AVIL: variants seen among roughly 807,000 people sequenced by gnomAD.
AVIL encodes advillin.
In AVIL, 78 loss-of-function variants were observed where a neutral mutation model predicts 109.9. The ratio of observed to expected loss-of-function variants is 0.71; its 90% CI spans 0.59 to 0.86. AVIL has a LOEUF of 0.86. Ranked by LOEUF, AVIL falls within the 40% of genes least tolerant of loss-of-function variation. AVIL has a pLI of 0.00. For synonymous variants in AVIL, 367 were observed against 379.1 expected (o/e 0.97, Z 0.37); for missense variants, 892 against 1,016.5 (o/e 0.88, Z 1.67).
Position 57,808,568 on chromosome 12 carries a change from C to A in AVIL, c.940-20G>T. On this transcript the variant is annotated intron_variant, in intron 9 of 19. Transcript: ENST00000549994. ...GAAGCCCTGCAGAGCCACCCATTCC[C>A]AAAGGCAGGTCAGTGGTGGAATACA... 6.2e-7 allele frequency: 1 copy of A among 1,612,828 alleles called. No homozygotes were observed. The highest frequency in any genetic ancestry group is 2.2e-5 in the East Asian group (1 of 44,866).
intron 18 of AVIL, 200 bp from the exon 19 acceptor site, chr12:57,800,120 C>G (rs747310519): frequency 4.2e-4 from 274 of 657,574 alleles, no homozygotes; most frequent in Non-Finnish European, 6.4e-4. Flanking sequence ...TGGGGTTGTT[C>G]TTGGGAAAGC....
At position 57,813,485 on chromosome 12, in the gene AVIL, C is replaced by T. The variant is rs573212370; in HGVS notation, c.142-62G>A. On this transcript the variant is annotated intron_variant, in intron 3 of 19. Transcript: ENST00000549994. ...CTCACCTCCCCTTTGCTGCTGGCCC[C>T]TGTTATGGGGAGAATGCAGCACATG... is the stretch of plus-strand genomic sequence containing the variant. The T allele has an allele frequency of 5.3e-6, 8 of 1,515,320 alleles. No homozygotes were observed. The East Asian group carries it at 6.8e-5, about 13-fold the overall frequency. 93.9% of individuals were successfully genotyped at this position (1,515,320 alleles called of 1,614,324 possible). A position where few individuals can be genotyped will look rare whatever the true frequency, so the allele number is the denominator to read the frequency against.
intron 3 of AVIL, 110 bp downstream of exon 3, chr12:57,814,042 G>A: frequency 8.6e-7 from 1 of 1,165,384 alleles, no homozygotes; most frequent in Non-Finnish European, 1.2e-6. Flanking sequence ...AGGAACCATT[G>A]AGACCGATAC....
At position 57,811,077 on chromosome 12, in the gene AVIL, G is replaced by A. The variant is rs1358399501; in HGVS notation, c.389C>T (p.Thr130Ile). Residue 130 changes from threonine (T) to isoleucine (I), a missense_variant, in exon 5 of 20, where the codon ACC becomes ATC. Thr to Ile is a moderately conservative substitution (Grantham distance 89, BLOSUM62 -1). Transcript: ENST00000549994. ...ASGMKHVETN[T>I]YDVKRLLHVK... ...ATGTAGCAGCCGCTTCACGTCGTAG[G>A]TATTGGTCTCCACGTGCTTCATCCC... The A allele has an allele frequency of 1.2e-6, 2 of 1,614,120 alleles. No individual in the cohort carries two copies. Among genetic ancestry groups the A allele is most frequent in the South Asian group, 2.2e-5 (2 of 91,078 alleles).
intron 2 of AVIL, chr12:57,815,725 G>C: frequency 7.1e-7 from 1 of 1,404,008 alleles, no homozygotes; most frequent in Non-Finnish European, 9.3e-7. Flanking sequence ...CAGGTGGCTG[G>C]CTAAAGGACA....
Position 57,810,503 on chromosome 12 carries a change from CA to C in AVIL, c.606del (p.Ala203LeufsTer3), listed in dbSNP as rs1327113783. 3.1e-6 allele frequency: 5 copies of C among 1,613,980 alleles called. No individual in the cohort carries two copies. In the South Asian group the frequency reaches 5.5e-5, roughly 18 times the overall value. On this transcript the variant is annotated frameshift_variant, in exon 7 of 20. Coordinates refer to ENST00000549994, the MANE Select transcript of AVIL (RefSeq NM_006576.4). LOFTEE classifies it high-confidence loss of function. Reference protein sequence around the residue: ...KDIRDRERGGRAKIGVIEGDK... With the variant: ...KDIRDRERGGXAKIGVIEGDK... Reference sequence around the variant, plus strand: ...TCTCCCTCGATCACTCCTATTTTAGCACGGCCCCCTCGCTCCCTGTCTCGAA... The same window carrying C: ...TCTCCCTCGATCACTCCTATTTTAGCCGGCCCCCTCGCTCCCTGTCTCGAA...
intron 3 of AVIL, 53 bp from the exon 4 acceptor site, chr12:57,813,476 T>G: frequency 1.9e-6 from 3 of 1,545,138 alleles, no homozygotes; most frequent in Non-Finnish European, 2.7e-6. Flanking sequence ...TCCCCTTTGC[T>G]GCTGGCCCCT....
chr12:57,803,573 C>CT lies in AVIL; in HGVS notation c.1767_1768insA (p.Glu590ArgfsTer15). On this transcript the variant is annotated frameshift_variant, in exon 15 of 20. Transcript: ENST00000549994. LOFTEE classifies it high-confidence loss of function. The stretch of plus-strand genomic sequence containing the variant: ...TTCCCTCCCAGTAGGTCCCAGAACT[C>CT]GGCTGGCTCCTGGCCCTCGGCCACA... 2 of 1,614,196 alleles carry CT rather than the reference C, an allele frequency of 1.2e-6. No homozygotes were observed. The highest frequency in any genetic ancestry group is 1.7e-6 in the Non-Finnish European group (2 of 1,180,038).
chr12:57,810,627 T>C, intron 6 of AVIL, 76 bp from the exon 7 acceptor site: 2 of 1,539,188 alleles, frequency 1.3e-6, no homozygotes, highest in Non-Finnish European at 1.8e-6. Context: ...GAGAACAGCC[T>C]AGATCCCAGA....
chr12:57,804,604 G>A lies in AVIL; in HGVS notation c.1672-935C>T, dbSNP rs181921706. ...AGGCAGGTGGATCACCTGAGGTCAG[G>A]AGTTCGAGAGCAGCCTGGGCAACAT... On this transcript the variant is annotated intron_variant, in intron 14 of 19. Coordinates refer to ENST00000549994, the MANE Select transcript of AVIL (RefSeq NM_006576.4). 3.9e-3 allele frequency among the ~76,000 whole-genome samples: 593 copies of A among 152,252 alleles called. 17 individuals carry two copies. In the South Asian group the frequency reaches 0.068, roughly 17 times the overall value.
At chr12:57,802,775 C>G in intron 16 of AVIL, 1 of 587,654 alleles carries the variant, frequency 1.7e-6, no homozygotes. Flanking sequence ...CCCCCCATAT[C>G]CAATGAGTCA....
chr12:57,816,174 A>ATGG (rs1956099476), intron 1 of AVIL, 115 bp from the exon 2 acceptor site: 2 of 795,124 alleles, frequency 2.5e-6, no homozygotes, highest in Non-Finnish European at 4.0e-6. Context: ...CCACACCCTC[A>ATGG]TGGTGCATCC....
In AVIL at chr12:57,797,989, G is replaced by A. The variant is rs1201399588; in HGVS notation, c.2353C>T (p.Leu785Phe). 2 of 1,603,810 alleles carry A rather than the reference G, an allele frequency of 1.2e-6. No homozygotes were observed. The highest frequency in any genetic ancestry group is 3.4e-5 in the Admixed American group (2 of 58,108). Residue 785 changes from leucine (L) to phenylalanine (F), a missense_variant, in exon 20 of 20, where the codon CTC becomes TTC. Leu to Phe is a conservative substitution (Grantham distance 22, BLOSUM62 0). Coordinates refer to ENST00000549994, the MANE Select transcript of AVIL (RefSeq NM_006576.4). Reference sequence around the variant, plus strand: ...ACAGACACAAAGTCCTGTTCAGAGAGGTAATTCTAAGAGAGAAAACAAAGT... The same window carrying A: ...ACAGACACAAAGTCCTGTTCAGAGAAGTAATTCTAAGAGAGAAAACAAAGT... ...DVNPAKKENY[L>F]SEQDFVSVFG...
At position 57,813,254 on chromosome 12, in the gene AVIL, A is replaced by T; in HGVS notation, c.311T>A (p.Phe104Tyr). 1 of 1,612,792 alleles carries T rather than the reference A, an allele frequency of 6.2e-7. No individual in the cohort carries two copies. Among genetic ancestry groups the T allele is most frequent in the East Asian group, 2.2e-5 (1 of 44,792 alleles). The change falls in exon 4 of 20, where the codon TTC becomes TAC. Residue 104 changes from phenylalanine to tyrosine, a missense_variant. By Grantham distance (22) the Phe-to-Tyr change is conservative. Transcript: ENST00000549994. Reference sequence around the variant, plus strand: ...GATGCCCTGCTTGAAGTAGCCACGGAAAGTGTCTGACTCATGGTACTGGAC... The same window carrying T: ...GATGCCCTGCTTGAAGTAGCCACGGTAAGTGTCTGACTCATGGTACTGGAC... ...REVQYHESDT[F>Y]RGYFKQGIIY...
chr12:57,815,954 G>C, intron 2 of AVIL, 21 bp downstream of exon 2: 1 of 1,613,946 alleles, frequency 6.2e-7, no homozygotes, highest in Non-Finnish European at 8.5e-7. Context: ...TCACAAGTAA[G>C]GTGCCTCCAG....
rs74096250 is a variant in AVIL at position 57,797,590 on chromosome 12, T to C, written c.*292A>G. 4.1e-4 allele frequency: 380 copies of C among 928,084 alleles called. No homozygotes were observed. In the African/African-American group the frequency reaches 6.4e-3, roughly 16 times the overall value. 57.5% of individuals were successfully genotyped at this position (928,084 alleles called of 1,614,324 possible). Reference sequence around the variant, plus strand: ...TATTAAACATTTTAAGCATTGTTTTTTGGTTCTCTTTCTTTTGATTTCTCC... The same window carrying C: ...TATTAAACATTTTAAGCATTGTTTTCTGGTTCTCTTTCTTTTGATTTCTCC... On this transcript the variant is annotated 3_prime_UTR_variant, in exon 20 of 20. Transcript: ENST00000549994.
intron 3 of AVIL, 101 bp downstream of exon 3, chr12:57,814,051 A>AC: frequency 4.0e-6 from 5 of 1,257,006 alleles, no homozygotes; most frequent in Non-Finnish European, 5.6e-6. Flanking sequence ...TGAGACCGAT[A>AC]CCAGGGACTG....
chr12:57,813,978 G>A (rs1956070257), intron 3 of AVIL, among the ~76,000 whole-genome samples, 174 bp downstream of exon 3: 1 of 152,160 alleles, frequency 6.6e-6, no homozygotes, highest in Non-Finnish European at 1.5e-5. Context: ...TAAAAACCCA[G>A]GCTTAATGAT....
chr12:57,805,131 CT>C (rs1219034474), intron 14 of AVIL, among the ~76,000 whole-genome samples: 3 of 152,146 alleles, frequency 2.0e-5, no homozygotes, highest in Admixed American at 2.0e-4. Flanking sequence ...TCTCGGCTCA[CT>C]GCAACCTCCA....
Sources: allele counts gnomAD v4.1 joint callset (sites outside exome capture counted in the v4.1 genomes callset), GRCh38; gene constraint gnomAD v4.1.1; transcripts MANE v1.5; gene names NCBI Gene and HGNC (gene_info 2026-07-23, HGNC 2026-07-21).